The following GPC5 variants were observed in gnomAD, a reference collection of about 807,000 sequenced individuals.
GPC5 encodes the protein glypican-5.
A neutral mutation model predicts 53.9 loss-of-function variants in GPC5; 47 were observed. The observed-to-expected ratio is 0.87, with a 90% CI of 0.69 to 1.11. The LOEUF is 1.11. GPC5 is among the 50% of genes most tolerant of loss of function. GPC5 has a pLI of 0.00. For synonymous variants in GPC5, 286 were observed against 263.3 expected (o/e 1.09, Z -0.84); for missense variants, 748 against 713.1 (o/e 1.05, Z -0.56).
rs1234015232 is a variant in GPC5, at chr13:92,582,948, A to G, written c.1562-283334A>G. 2.6e-5 allele frequency among the ~76,000 whole-genome samples: 4 copies of G among 152,126 alleles called. No individual in the cohort carries two copies. In the South Asian group the frequency reaches 6.2e-4, roughly 24 times the overall value. ...ATCATCTGCAAGCAATGATGATTTA[A>G]CTATTTTCCTTCCTATTTGGACACC... is the stretch of plus-strand genomic sequence containing the variant. On this transcript the variant is annotated intron_variant, in intron 7 of 7. Coordinates refer to ENST00000377067, the MANE Select transcript of GPC5 (RefSeq NM_004466.6).
chr13:91,975,200 A>G (rs557836913), intron 6 of GPC5, among the ~76,000 whole-genome samples: 63 of 152,278 alleles, frequency 4.1e-4, no homozygotes, highest in African/African-American at 1.5e-3. Context: ...CATTCAGGAC[A>G]TAGGCATGGG....
chr13:91,660,370 G>A (rs1293321100), intron 2 of GPC5, among the ~76,000 whole-genome samples: 1 of 152,078 alleles, frequency 6.6e-6, no homozygotes, highest in Admixed American at 6.5e-5. Context: ...CTGTGGAGTG[G>A]CCCACATAAG....
At chr13:92,010,947 T>C (rs766744728) in intron 6 of GPC5, among the ~76,000 whole-genome samples, 5 of 152,188 alleles carry the variant, frequency 3.3e-5, no homozygotes, top group African/African-American at 4.8e-5. Flanking sequence ...TAAATGATAT[T>C]AGGAGCAAAT....
intron 6 of GPC5, among the ~76,000 whole-genome samples, chr13:92,013,826 C>T (rs1536376): frequency 0.87 from 133,048 of 152,118 alleles, 61,014 homozygotes; most frequent in East Asian, 1. Flanking sequence ...TATTATATTG[C>T]AATTATTCTT....
At chr13:92,574,469 A>G (rs891696321) in intron 7 of GPC5, among the ~76,000 whole-genome samples, 1 of 152,176 alleles carries the variant, frequency 6.6e-6, no homozygotes, top group Non-Finnish European at 1.5e-5. Flanking sequence ...TAATCTCTTT[A>G]TAAGTATTAC....
In GPC5 at chr13:92,757,281, T is replaced by G. The variant is rs1874926320; in HGVS notation, c.1562-109001T>G. On this transcript the variant is annotated intron_variant, in intron 7 of 7. Transcript: ENST00000377067. ...GCTGGGAAAACTGGCTAGCCATATG[T>G]AGAAAGCTGAAACTGGATCCCTTCC... Among the ~76,000 whole-genome samples, 4 of 152,304 alleles carry G rather than the reference T, an allele frequency of 2.6e-5. No homozygotes were observed. In the South Asian group the frequency reaches 8.3e-4, roughly 32 times the overall value.
chr13:91,774,514 A>G (rs1035430173), intron 5 of GPC5, among the ~76,000 whole-genome samples: 11 of 152,182 alleles, frequency 7.2e-5, no homozygotes, highest in African/African-American at 2.7e-4. Flanking sequence ...GCAGGATGCT[A>G]CAGGAGTATA....
intron 6 of GPC5, among the ~76,000 whole-genome samples, chr13:91,941,022 T>A (rs1319671480): frequency 6.6e-6 from 1 of 152,184 alleles, no homozygotes; most frequent in African/African-American, 2.4e-5. Flanking sequence ...ATTTTTGTTT[T>A]TGTTGCAATT....
chr13:92,397,048 G>T (rs970072992), intron 7 of GPC5, among the ~76,000 whole-genome samples: 7 of 152,202 alleles, frequency 4.6e-5, no homozygotes, highest in Non-Finnish European at 7.3e-5. Context: ...GTTAGCACTT[G>T]GTGGTGTACC....
intron 7 of GPC5, among the ~76,000 whole-genome samples, chr13:92,206,773 T>A (rs1347421329): frequency 1.3e-5 from 2 of 152,144 alleles, no homozygotes; most frequent in Non-Finnish European, 2.9e-5. Flanking sequence ...CAAAAAAGAC[T>A]AGCATATTGT....
At chr13:92,462,789 T>G in intron 7 of GPC5, among the ~76,000 whole-genome samples, 1 of 151,566 alleles carries the variant, frequency 6.6e-6, no homozygotes, top group East Asian at 1.9e-4. Flanking sequence ...TGATCTCGGT[T>G]CACTGCAACC....
At chr13:91,992,981 T>C (rs1049814437) in intron 6 of GPC5, among the ~76,000 whole-genome samples, 1 of 152,200 alleles carries the variant, frequency 6.6e-6, no homozygotes, top group Non-Finnish European at 1.5e-5. Flanking sequence ...CAGAGTTAAC[T>C]GATATTAATC....
chr13:92,157,301 C>G (rs923791566), intron 7 of GPC5, among the ~76,000 whole-genome samples: 1 of 152,110 alleles, frequency 6.6e-6, no homozygotes, highest in Non-Finnish European at 1.5e-5. Flanking sequence ...GAGAACTCTC[C>G]ACTGAACCAA....
chr13:92,057,331 C>T (rs1379567343), intron 6 of GPC5, among the ~76,000 whole-genome samples: 4 of 152,090 alleles, frequency 2.6e-5, no homozygotes, highest in Admixed American at 6.5e-5. Context: ...AACACAAAGA[C>T]TTCTTAAAGC....
intron 5 of GPC5, among the ~76,000 whole-genome samples, chr13:91,765,307 G>A (rs904950218): frequency 6.6e-6 from 1 of 152,238 alleles, no homozygotes; most frequent in Non-Finnish European, 1.5e-5. Flanking sequence ...TCCCTGCTTT[G>A]TTCTCTTCAA....
intron 7 of GPC5, among the ~76,000 whole-genome samples, chr13:92,259,865 C>T (rs939165485): frequency 6.6e-6 from 1 of 152,174 alleles, no homozygotes; most frequent in African/African-American, 2.4e-5. Context: ...GCTGTTCAGG[C>T]TCTATCACCC....
intron 7 of GPC5, among the ~76,000 whole-genome samples, chr13:92,166,260 T>C (rs1196266729): frequency 1.3e-5 from 2 of 152,144 alleles, no homozygotes; most frequent in Non-Finnish European, 2.9e-5. Flanking sequence ...ATAGGCTTCA[T>C]GGAGGAAGTA....
At position 91,820,759 on chromosome 13, in the gene GPC5, C is replaced by G. The variant is rs1253068590; in HGVS notation, c.1280+64339C>G. ...CGGGAGGATCACGAGGTCAGGAGATCGAGACCATCCTGGCTAACACAGTGA... is the reference window on the plus strand; with the variant it reads ...CGGGAGGATCACGAGGTCAGGAGATGGAGACCATCCTGGCTAACACAGTGA... On this transcript the variant is annotated intron_variant, in intron 5 of 7. Transcript: ENST00000377067. Among the ~76,000 whole-genome samples, 3 of 151,976 alleles carry G rather than the reference C, an allele frequency of 2.0e-5. No individual in the cohort carries two copies. The East Asian group carries it at 5.8e-4, about 29-fold the overall frequency.
chr13:92,115,556 ACT>A (rs1000282512), intron 6 of GPC5, among the ~76,000 whole-genome samples: 3 of 151,592 alleles, frequency 2.0e-5, no homozygotes, highest in African/African-American at 7.3e-5. Flanking sequence ...TTCTAGTCAA[ACT>A]CTCCTCTAAT....
Sources: gnomAD v4.1 joint callset for allele counts (sites outside exome capture counted in the v4.1 genomes callset) on GRCh38, gnomAD v4.1.1 for gene constraint, MANE v1.5 for transcripts, NCBI Gene and HGNC (gene_info 2026-07-23, HGNC 2026-07-21) for gene names.